The following ACTL8 variants were observed in gnomAD, a reference collection of about 807,000 sequenced individuals.
ACTL8 encodes the protein actin-like protein 8.
In ACTL8, 3 loss-of-function variants were observed where a neutral mutation model predicts 9.3. That is an observed-to-expected ratio of 0.32 (90% CI 0.15 to 0.83). The LOEUF is 0.83. Ranked by LOEUF, ACTL8 falls within the 40% of genes least tolerant of loss-of-function variation. ACTL8 has a pLI of 0.57. For synonymous variants in ACTL8, 224 were observed against 205.9 expected (o/e 1.09, Z -0.75); for missense variants, 381 against 492.2 (o/e 0.77, Z 2.14).
rs2053686900 is a variant in ACTL8, at chr1:17,823,859, A to G, written c.348+503A>G. ...ACGGAGGCCCCACCTGCAGACGGAC[A>G]TGCAGCAACCAACGTGCTTGGTGGA... is the stretch of plus-strand genomic sequence containing the variant. On this transcript the variant is annotated intron_variant, in intron 2 of 2. Transcript: ENST00000375406. This position sits in a 1 kb window ranked among gnomAD's most constrained non-coding sequence, Gnocchi z 5.3. 6.6e-6 allele frequency among the ~76,000 whole-genome samples: 1 copy of G among 152,210 alleles called. No homozygotes were observed.
chr1:17,813,638 G>T (rs867490433), intron 1 of ACTL8, among the ~76,000 whole-genome samples: 2 of 152,178 alleles, frequency 1.3e-5, no homozygotes, highest in Middle Eastern at 3.2e-3. Context: ...CCCACAAACT[G>T]AGTTGGGGTG....
chr1:17,771,573 C>T (rs2066083217), intron 1 of ACTL8, among the ~76,000 whole-genome samples: 1 of 152,052 alleles, frequency 6.6e-6, no homozygotes. Flanking sequence ...ACCGTTACTA[C>T]CAGGAAGGGA....
chr1:17,798,925 A>G (rs1020684715), intron 1 of ACTL8, among the ~76,000 whole-genome samples: 4 of 152,236 alleles, frequency 2.6e-5, no homozygotes, highest in African/African-American at 7.2e-5. Flanking sequence ...CATCTTTACC[A>G]TATCTACCCC....
intron 1 of ACTL8, among the ~76,000 whole-genome samples, chr1:17,789,747 G>A (rs2066224580): frequency 6.6e-6 from 1 of 152,156 alleles, no homozygotes; most frequent in South Asian, 2.1e-4. Context: ...ACAGCTGTTT[G>A]TGCCTAGAGG....
At chr1:17,788,979 G>C (rs1162345619) in intron 1 of ACTL8, among the ~76,000 whole-genome samples, 1 of 152,240 alleles carries the variant, frequency 6.6e-6, no homozygotes, top group Admixed American at 6.5e-5. Flanking sequence ...GAATTTGCAG[G>C]AGAGTTTGAG....
chr1:17,818,458 CA>C (rs2124190362), intron 1 of ACTL8, among the ~76,000 whole-genome samples: 1 of 152,372 alleles, frequency 6.6e-6, no homozygotes. Context: ...TGGCCTCCCA[CA>C]TCTGCAAGCA....
intron 1 of ACTL8, among the ~76,000 whole-genome samples, chr1:17,816,000 A>G (rs1370522296): frequency 6.6e-6 from 1 of 152,144 alleles, no homozygotes; most frequent in East Asian, 1.9e-4. Context: ...GTATAAATGT[A>G]TGGGATACAA....
intron 1 of ACTL8, among the ~76,000 whole-genome samples, chr1:17,808,368 G>GAA: frequency 6.6e-6 from 1 of 152,294 alleles, no homozygotes; most frequent in East Asian, 1.9e-4. Flanking sequence ...TTTCATCTGT[G>GAA]AAAGATAGTT....
At chr1:17,805,537 T>G (rs974146424) in intron 1 of ACTL8, among the ~76,000 whole-genome samples, 4 of 151,812 alleles carry the variant, frequency 2.6e-5, no homozygotes, top group African/African-American at 9.7e-5. Flanking sequence ...TGCACCACCA[T>G]GCCCAGCCAA....
intron 1 of ACTL8, among the ~76,000 whole-genome samples, chr1:17,805,377 CTTTTTTTTTTTTTTTT>C (rs56870755): frequency 1.0e-5 from 1 of 100,198 alleles, no homozygotes; most frequent in Non-Finnish European, 2.0e-5. Flanking sequence ...TTTTCTTTTT[CTTTTTTTTTTTTTTTT>C]TTTTTTTTTT....
intron 1 of ACTL8, among the ~76,000 whole-genome samples, chr1:17,757,525 C>G (rs572753956): frequency 6.8e-6 from 1 of 146,754 alleles, no homozygotes; most frequent in East Asian, 2.1e-4. Context: ...CCTTTCCCTC[C>G]GCAGTGCTGG....
At chr1:17,786,709 A>C (rs532808996) in intron 1 of ACTL8, among the ~76,000 whole-genome samples, 1 of 152,026 alleles carries the variant, frequency 6.6e-6, no homozygotes, top group Admixed American at 6.6e-5. Context: ...TTTAATTATT[A>C]TTTTTTTAGA....
chr1:17,755,828 A>T (rs2065964232), intron 1 of ACTL8, among the ~76,000 whole-genome samples: 1 of 147,880 alleles, frequency 6.8e-6, no homozygotes, highest in Non-Finnish European at 1.5e-5. Flanking sequence ...CACCGCCTGG[A>T]GGGGGTTATC....
chr1:17,787,074 T>TCTCCTA lies in ACTL8; in HGVS notation c.-25+31571_-25+31576dup, dbSNP rs1252903319. 2.6e-5 allele frequency among the ~76,000 whole-genome samples: 4 copies of TCTCCTA among 152,258 alleles called. No homozygotes were observed. In the East Asian group the frequency reaches 5.8e-4, roughly 22 times the overall value. On this transcript the variant is annotated intron_variant, in intron 1 of 2. Coordinates refer to ENST00000375406, the MANE Select transcript of ACTL8 (RefSeq NM_030812.3). ...TATATTTTTTCCCTTGTTTTGTTTATCTCCTAACCCTCCTTCAGTGACATC... is the reference window on the plus strand; with the variant it reads ...TATATTTTTTCCCTTGTTTTGTTTATCTCCTACTCCTAACCCTCCTTCAGTGACATC...
intron 1 of ACTL8, among the ~76,000 whole-genome samples, chr1:17,806,114 T>C (rs2066358541): frequency 6.6e-6 from 1 of 152,230 alleles, no homozygotes; most frequent in Admixed American, 6.5e-5. Flanking sequence ...ACAGCCGGGA[T>C]GTCGAGCGAT....
At chr1:17,764,046 C>G (rs1337319907) in intron 1 of ACTL8, among the ~76,000 whole-genome samples, 1 of 151,820 alleles carries the variant, frequency 6.6e-6, no homozygotes, top group Non-Finnish European at 1.5e-5. Flanking sequence ...TGGAAAGCAG[C>G]TCTGTGTTGA....
intron 1 of ACTL8, among the ~76,000 whole-genome samples, chr1:17,820,761 G>C (rs1226684831): frequency 6.6e-6 from 1 of 152,056 alleles, no homozygotes; most frequent in Non-Finnish European, 1.5e-5. Context: ...ATTTTTAGTA[G>C]AGACAGGGTT....
chr1:17,778,068 A>T (rs752487878), intron 1 of ACTL8, among the ~76,000 whole-genome samples: 3 of 152,184 alleles, frequency 2.0e-5, no homozygotes, highest in Non-Finnish European at 4.4e-5. Flanking sequence ...GGATGGTGGC[A>T]CATGTTGGCT....
intron 1 of ACTL8, among the ~76,000 whole-genome samples, chr1:17,763,704 C>G (rs1249503118): frequency 5.9e-5 from 9 of 152,212 alleles, no homozygotes; most frequent in African/African-American, 1.9e-4. Context: ...TTAGTGGCAC[C>G]TAGGGCAGGG....
Sources: gnomAD v4.1 joint callset for allele counts (sites outside exome capture counted in the v4.1 genomes callset) on GRCh38, gnomAD v4.1.1 for gene constraint, Gnocchi (gnomAD v3.1) non-coding constraint, MANE v1.5 for transcripts, NCBI Gene and HGNC (gene_info 2026-07-23, HGNC 2026-07-21) for gene names.